ARHGAP6: variants seen among roughly 807,000 people sequenced by gnomAD.
ARHGAP6 encodes the protein rho GTPase-activating protein 6.
A neutral mutation model predicts 55.7 loss-of-function variants in ARHGAP6; 16 were observed. That is an observed-to-expected ratio of 0.29 (90% confidence interval 0.19 to 0.44). The LOEUF is 0.44. Among genes scored for constraint, ARHGAP6 ranks in the 20% least tolerant of loss-of-function variants. The pLI, the probability that ARHGAP6 is intolerant of heterozygous loss-of-function variation, is 1.00. For synonymous variants in ARHGAP6, 382 were observed against 360.9 expected, an observed-to-expected ratio of 1.06 and a Z score of -0.66; for missense variants, 698 against 808.9, an observed-to-expected ratio of 0.86 and a Z score of 1.66.
intron 8 of ARHGAP6, among the ~76,000 whole-genome samples, chrX:11,171,687 G>T (rs1384070966): frequency 8.9e-6 from 1 of 111,856 alleles, no homozygotes; most frequent in Non-Finnish European, 1.9e-5. Flanking sequence ...AGGTGAACGG[G>T]AGAGTCTGAG....
intron 1 of ARHGAP6, among the ~76,000 whole-genome samples, chrX:11,635,121 C>T (rs747573086): frequency 1.8e-5 from 2 of 112,310 alleles, no homozygotes; most frequent in South Asian, 3.7e-4. Flanking sequence ...AAGATAGAAC[C>T]GGCTAGCAAG....
chrX:11,417,911 T>C (rs1470109256), intron 1 of ARHGAP6, among the ~76,000 whole-genome samples: 4 of 110,494 alleles, frequency 3.6e-5, no homozygotes, highest in Non-Finnish European at 7.5e-5. Context: ...AGGGTTATTT[T>C]AAGGATTAAG....
chrX:11,418,111 A>G (rs1198638584), intron 1 of ARHGAP6, among the ~76,000 whole-genome samples: 2 of 112,171 alleles, frequency 1.8e-5, no homozygotes, highest in African/African-American at 6.5e-5. Context: ...CACACACAAT[A>G]TAGTCCCTGG....
chrX:11,360,754 A>C (rs1569314638), intron 1 of ARHGAP6, among the ~76,000 whole-genome samples: 1 of 111,273 alleles, frequency 9.0e-6, no homozygotes. Flanking sequence ...ATATCTAGAA[A>C]ACCCCATTGT....
At chrX:11,627,637 C>T (rs2052313869) in intron 1 of ARHGAP6, among the ~76,000 whole-genome samples, 1 of 111,607 alleles carries the variant, frequency 9.0e-6, no homozygotes, top group Non-Finnish European at 1.9e-5. Flanking sequence ...TAGGAACCCA[C>T]ATCTGGCTTC....
At chrX:11,318,451 A>T (rs182357722) in intron 1 of ARHGAP6, among the ~76,000 whole-genome samples, 1 of 112,023 alleles carries the variant, frequency 8.9e-6, no homozygotes, top group African/African-American at 3.2e-5. Flanking sequence ...AATGAATATT[A>T]TCCCCTATAT....
intron 1 of ARHGAP6, among the ~76,000 whole-genome samples, chrX:11,533,039 A>G (rs2051068044): frequency 9.0e-6 from 1 of 111,552 alleles, no homozygotes; most frequent in African/African-American, 3.3e-5. Flanking sequence ...TCATACAAAA[A>G]ATTTCTTTTT....
chrX:11,438,324 T>C (rs781073574), intron 1 of ARHGAP6, among the ~76,000 whole-genome samples: 1 of 112,559 alleles, frequency 8.9e-6, no homozygotes, highest in Non-Finnish European at 1.9e-5. Flanking sequence ...TTTGTTTCCT[T>C]CTCTTAAATT....
chrX:11,231,034 CCT>C (rs1330479291), intron 2 of ARHGAP6, among the ~76,000 whole-genome samples: 4 of 111,137 alleles, frequency 3.6e-5, no homozygotes, highest in Non-Finnish European at 7.5e-5. Context: ...TGCTATAGCC[CCT>C]GTTTTATTTT....
intron 1 of ARHGAP6, among the ~76,000 whole-genome samples, chrX:11,628,224 T>C (rs996847529): frequency 4.5e-5 from 5 of 112,347 alleles, no homozygotes; most frequent in African/African-American, 1.6e-4. Context: ...TCATCTAAAA[T>C]GGTTGACATA....
At chrX:11,583,113 G>A (rs775448308) in intron 1 of ARHGAP6, among the ~76,000 whole-genome samples, 1 of 112,069 alleles carries the variant, frequency 8.9e-6, no homozygotes, top group East Asian at 2.8e-4. Context: ...GGTTTTCACA[G>A]CCAGTTAATG....
At chrX:11,504,209 AT>A (rs1317552945) in intron 1 of ARHGAP6, among the ~76,000 whole-genome samples, 5 of 111,831 alleles carry the variant, frequency 4.5e-5, no homozygotes, top group Non-Finnish European at 9.4e-5. Flanking sequence ...TTCTACTTTT[AT>A]TTGTAATTAC....
chrX:11,438,272 G>T (rs1888993712), intron 1 of ARHGAP6, among the ~76,000 whole-genome samples: 1 of 112,358 alleles, frequency 8.9e-6, no homozygotes, highest in Non-Finnish European at 1.9e-5. Flanking sequence ...GCCAAAAGCT[G>T]CAAACCCATG....
intron 1 of ARHGAP6, among the ~76,000 whole-genome samples, chrX:11,595,371 A>C (rs1485810771): frequency 9.0e-6 from 1 of 110,876 alleles, no homozygotes; most frequent in Non-Finnish European, 1.9e-5. Flanking sequence ...CTGGCTAGCC[A>C]TATGCAGAAA....
chrX:11,375,858 G>T, intron 1 of ARHGAP6, among the ~76,000 whole-genome samples: 1 of 111,989 alleles, frequency 8.9e-6, no homozygotes, highest in Admixed American at 9.5e-5. Context: ...TAGAGACCAA[G>T]AGGGCTCAAA....
At chrX:11,537,203 G>A (rs774568208) in intron 1 of ARHGAP6, among the ~76,000 whole-genome samples, 75 of 112,233 alleles carry the variant, frequency 6.7e-4, no homozygotes, top group Non-Finnish European at 1.3e-3. Flanking sequence ...GTCCTGTCGC[G>A]ACAACAGATA....
intron 11 of ARHGAP6, 140 bp downstream of exon 11, chrX:11,143,840 C>T: frequency 8.4e-7 from 1 of 1,187,174 alleles, no homozygotes. Context: ...AGCAGGTACT[C>T]GGTAAATGCA....
At chrX:11,276,632 GTGAAAACAAGCCATC>G (rs1447776287) in intron 1 of ARHGAP6, among the ~76,000 whole-genome samples, 1 of 111,477 alleles carries the variant, frequency 9.0e-6, no homozygotes, top group Non-Finnish European at 1.9e-5. Context: ...CAGGTATGAC[GTGAAAACAAGCCATC>G]TGCACTTACT....
intron 1 of ARHGAP6, among the ~76,000 whole-genome samples, chrX:11,599,960 T>C (rs890124928): frequency 1.8e-5 from 2 of 112,141 alleles, no homozygotes; most frequent in African/African-American, 6.5e-5. Flanking sequence ...TTTCTACTTG[T>C]GCAAAATAAA....
Sources: gnomAD v4.1 joint callset for allele counts (sites outside exome capture counted in the v4.1 genomes callset) on GRCh38, gnomAD v4.1.1 for gene constraint, MANE v1.5 for transcripts, NCBI Gene and HGNC (gene_info 2026-07-23, HGNC 2026-07-21) for gene names.